MLLT3: variants seen among roughly 807,000 people sequenced by gnomAD.
MLLT3 encodes MLLT3 super elongation complex subunit, also known as protein AF-9.
In MLLT3, 4 loss-of-function variants were observed where a neutral mutation model predicts 53.2. The observed-to-expected ratio is 0.08, with a 90% CI of 0.04 to 0.17. The LOEUF (loss-of-function observed/expected upper bound fraction) is 0.17. MLLT3 is among the 10% of genes least tolerant of loss of function. MLLT3 has a pLI of 1.00. For missense variants in MLLT3, 569 were observed against 684.0 expected (o/e 0.83, Z 1.87); for synonymous variants, 283 against 230.6 (o/e 1.23, Z -2.06).
chr9:20,434,837 C>T (rs571622099), intron 4 of MLLT3, among the ~76,000 whole-genome samples: 1 of 152,004 alleles, frequency 6.6e-6, no homozygotes, highest in Admixed American at 6.6e-5. Flanking sequence ...TATATTGTCT[C>T]GGTTGCAGAA....
intron 5 of MLLT3, among the ~76,000 whole-genome samples, chr9:20,386,958 A>G (rs2118711164): frequency 6.6e-6 from 1 of 152,308 alleles, no homozygotes; most frequent in South Asian, 2.1e-4. Flanking sequence ...ACCTGGTAAA[A>G]TTCTACTATT....
At chr9:20,378,242 A>C (rs1006965054) in intron 5 of MLLT3, among the ~76,000 whole-genome samples, 2 of 152,054 alleles carry the variant, frequency 1.3e-5, no homozygotes, top group Non-Finnish European at 2.9e-5. Context: ...CATTGGGGAT[A>C]CAGGTTTACA....
At chr9:20,390,996 T>C (rs950793565) in intron 5 of MLLT3, among the ~76,000 whole-genome samples, 1 of 152,226 alleles carries the variant, frequency 6.6e-6, no homozygotes, top group Non-Finnish European at 1.5e-5. Flanking sequence ...ATTTACATGC[T>C]TGCATGTAGT....
At chr9:20,447,385 C>A (rs1449089497) in intron 4 of MLLT3, among the ~76,000 whole-genome samples, 2 of 152,176 alleles carry the variant, frequency 1.3e-5, no homozygotes, top group African/African-American at 4.8e-5. Context: ...GAAGTGCCCA[C>A]ATAATATGAC....
intron 2 of MLLT3, among the ~76,000 whole-genome samples, chr9:20,592,542 T>C (rs982091082): frequency 1.3e-5 from 2 of 152,198 alleles, no homozygotes; most frequent in South Asian, 4.1e-4. Flanking sequence ...AATGACCTCA[T>C]TTTACCTTAA....
chr9:20,496,444 AT>A (rs755536784), intron 2 of MLLT3, among the ~76,000 whole-genome samples: 1 of 152,082 alleles, frequency 6.6e-6, no homozygotes, highest in Non-Finnish European at 1.5e-5. Context: ...ACTCCATTCT[AT>A]CCCAATTAGA....
intron 2 of MLLT3, among the ~76,000 whole-genome samples, chr9:20,536,817 G>A (rs1357340899): frequency 4.6e-5 from 7 of 151,416 alleles, no homozygotes; most frequent in African/African-American, 1.7e-4. Flanking sequence ...CTCCAGTATG[G>A]GACGACTCCT....
At chr9:20,491,559 G>C (rs1563784480) in intron 2 of MLLT3, among the ~76,000 whole-genome samples, 2 of 152,058 alleles carry the variant, frequency 1.3e-5, no homozygotes, top group African/African-American at 2.4e-5. Flanking sequence ...ATGAATAAAT[G>C]GCATTTCCTA....
Position 20,620,112 on chromosome 9 carries a change from G to A in MLLT3, c.193+542C>T, listed in dbSNP as rs946792981. On this transcript the variant is annotated intron_variant, in intron 2 of 10. Transcript: ENST00000380338. The surrounding 1 kb of genome is among the most constrained non-coding windows in gnomAD (Gnocchi z 6.1). Reference sequence around the variant, plus strand: ...TAAGCCACAAAAAGAAAAGTCTATGGCAACTGGCACCTGGTGCCTCATACA... The same window carrying A: ...TAAGCCACAAAAAGAAAAGTCTATGACAACTGGCACCTGGTGCCTCATACA... Among the ~76,000 whole-genome samples the A allele has an allele frequency of 7.9e-5, 12 of 152,042 alleles. No individual in the cohort carries two copies. The highest frequency in any genetic ancestry group is 1.3e-4 in the Non-Finnish European group (9 of 68,014).
intron 4 of MLLT3, among the ~76,000 whole-genome samples, chr9:20,427,519 T>C (rs1335986650): frequency 6.6e-6 from 1 of 151,600 alleles, no homozygotes; most frequent in Non-Finnish European, 1.5e-5. Flanking sequence ...CCAGAAAGAA[T>C]AAAGAACATA....
chr9:20,457,595 C>G lies in MLLT3; in HGVS notation c.194-809G>C, dbSNP rs114714179. Among the ~76,000 whole-genome samples, 618 of 152,152 alleles carry G rather than the reference C, an allele frequency of 4.1e-3. 6 individuals carry two copies. Among genetic ancestry groups the G allele is most frequent in the African/African-American group, 0.014 (585 of 41,510 alleles). On this transcript the variant is annotated intron_variant, in intron 2 of 10. Coordinates refer to ENST00000380338, the MANE Select transcript of MLLT3 (RefSeq NM_004529.4). Reference sequence around the variant, plus strand: ...GCCATCCTCTTTCCTTAGAAAATCCCAAACCCAGAGTTTCTCAATGATGCA... The same window carrying G: ...GCCATCCTCTTTCCTTAGAAAATCCGAAACCCAGAGTTTCTCAATGATGCA...
intron 1 of MLLT3, chr9:20,622,032 A>AGT (rs924456511): frequency 1.9e-5 from 13 of 685,826 alleles, no homozygotes; most frequent in East Asian, 3.6e-4. Flanking sequence ...AGCGTGTGTG[A>AGT]GTGTGTGTGT....
chr9:20,616,460 G>C (rs1820835602), intron 2 of MLLT3, among the ~76,000 whole-genome samples: 1 of 151,864 alleles, frequency 6.6e-6, no homozygotes, highest in African/African-American at 2.4e-5. Flanking sequence ...TGTGCTCATT[G>C]AATGTTTTAA....
chr9:20,534,948 T>C (rs1391928184), intron 2 of MLLT3, among the ~76,000 whole-genome samples: 1 of 151,548 alleles, frequency 6.6e-6, no homozygotes, highest in Non-Finnish European at 1.5e-5. Flanking sequence ...AAAAAATAGA[T>C]TAGGAACCAA....
At chr9:20,455,452 G>T (rs1425847580) in intron 3 of MLLT3, among the ~76,000 whole-genome samples, 1 of 152,184 alleles carries the variant, frequency 6.6e-6, no homozygotes, top group Non-Finnish European at 1.5e-5. Context: ...GCATCAGAAG[G>T]ACTAGCAAAT....
chr9:20,500,654 C>T (rs1243627245), intron 2 of MLLT3, among the ~76,000 whole-genome samples: 1 of 152,206 alleles, frequency 6.6e-6, no homozygotes, highest in Non-Finnish European at 1.5e-5. Flanking sequence ...CAAAGCTATA[C>T]ACTGACATGC....
intron 2 of MLLT3, among the ~76,000 whole-genome samples, chr9:20,604,802 T>A (rs1820522163): frequency 6.6e-6 from 1 of 152,108 alleles, no homozygotes; most frequent in African/African-American, 2.4e-5. Flanking sequence ...ACGGAATGGA[T>A]AACGAAAACA....
chr9:20,571,216 C>A (rs962063578), intron 2 of MLLT3, among the ~76,000 whole-genome samples: 1 of 152,174 alleles, frequency 6.6e-6, no homozygotes, highest in South Asian at 2.1e-4. Context: ...AACTTTCCAA[C>A]AAAAACCTTT....
At chr9:20,544,261 T>C (rs1818724757) in intron 2 of MLLT3, among the ~76,000 whole-genome samples, 1 of 152,178 alleles carries the variant, frequency 6.6e-6, no homozygotes, top group African/African-American at 2.4e-5. Context: ...AGGGATTTCT[T>C]AAGCATGACA....
Sources: gnomAD v4.1 joint callset for allele counts (sites outside exome capture counted in the v4.1 genomes callset) on GRCh38, gnomAD v4.1.1 for gene constraint, Gnocchi (gnomAD v3.1) non-coding constraint, MANE v1.5 for transcripts, NCBI Gene and HGNC (gene_info 2026-07-23, HGNC 2026-07-21) for gene names.